Variants in TRAPPC9 observed in about 807,000 individuals in gnomAD.
The protein encoded by TRAPPC9 is IKK2 binding protein.
A neutral mutation model predicts 124.0 loss-of-function variants in TRAPPC9; 83 were observed. The ratio of observed to expected loss-of-function variants is 0.67; its 90% CI spans 0.56 to 0.80. The LOEUF (loss-of-function observed/expected upper bound fraction) is 0.80. Among genes scored for constraint, TRAPPC9 ranks in the 30% least tolerant of loss-of-function variants. The pLI, the probability that TRAPPC9 is intolerant of heterozygous loss-of-function variation, is 0.00. For synonymous variants in TRAPPC9, 638 were observed against 617.5 expected (o/e 1.03, Z -0.49); for missense variants, 1,302 against 1,508.3 (o/e 0.86, Z 2.27).
At chr8:139,884,846 T>C (rs1829898065) in intron 21 of TRAPPC9, among the ~76,000 whole-genome samples, 1 of 152,172 alleles carries the variant, frequency 6.6e-6, no homozygotes, top group Admixed American at 6.5e-5. Context: ...ATAGCCGCCA[T>C]GACGGTGCCC....
intron 17 of TRAPPC9, among the ~76,000 whole-genome samples, chr8:140,168,362 AT>A (rs1294599017): frequency 5.3e-5 from 4 of 75,014 alleles, no homozygotes; most frequent in African/African-American, 1.5e-4. Flanking sequence ...GTTCTAAAAC[AT>A]TTTTTTAACC....
chr8:140,112,436 G>A (rs1441013563), intron 17 of TRAPPC9, among the ~76,000 whole-genome samples: 1 of 151,790 alleles, frequency 6.6e-6, no homozygotes. Context: ...TGGGACAGGT[G>A]CGAGGAGAGT....
At position 139,731,079 on chromosome 8, in the gene TRAPPC9, G is replaced by A. The variant is rs777700700; in HGVS notation, c.3429C>T (p.Ala1143=). The change falls in exon 23 of 23, where the codon GCC becomes GCT. Residue 1143 remains alanine, a synonymous_variant. Transcript: ENST00000438773. ...GGCGGGCTCAGGCCTGCGCCTCCAG[G>A]GCACACACGTGCACACTGGGCAGGC... ...WFCLPSVHVC[A]LEAQA 3.7e-6 allele frequency: 6 copies of A among 1,613,106 alleles called. No homozygotes were observed.
chr8:139,972,176 C>T (rs1052803247), intron 19 of TRAPPC9, among the ~76,000 whole-genome samples: 3 of 151,996 alleles, frequency 2.0e-5, no homozygotes, highest in African/African-American at 7.3e-5. Context: ...CTGATACCAC[C>T]CCACACCCAT....
At chr8:140,426,504 T>C in intron 5 of TRAPPC9, 111 bp downstream of exon 5, 1 of 1,127,016 alleles carries the variant, frequency 8.9e-7, no homozygotes. Flanking sequence ...GTTACTTAAA[T>C]CAGAATGTTC....
At chr8:140,337,261 G>A (rs1161902301) in intron 9 of TRAPPC9, among the ~76,000 whole-genome samples, 1 of 152,090 alleles carries the variant, frequency 6.6e-6, no homozygotes, top group East Asian at 1.9e-4. Flanking sequence ...ACACATGAAG[G>A]CACATGTTAC....
chr8:139,974,872 G>T lies in TRAPPC9; in HGVS notation c.2810+13854C>A, dbSNP rs112373074. 8.8e-3 allele frequency among the ~76,000 whole-genome samples: 1,337 copies of T among 152,036 alleles called. 19 individuals are homozygous for T. Among genetic ancestry groups the T allele is most frequent in the African/African-American group, 0.031 (1,277 of 41,484 alleles). ...AGCCTCCGGCTGCCTCTCCCTCTCC[G>T]CCTTGTTCCCCAGGGGCTGTAGCTC... On this transcript the variant is annotated intron_variant, in intron 19 of 22. Coordinates refer to ENST00000438773, the MANE Select transcript of TRAPPC9 (RefSeq NM_001160372.4).
In TRAPPC9 at chr8:139,731,206, GCCGACT is replaced by G; in HGVS notation, c.3296_3301del (p.Gln1099_Ala1101delinsPro). On this transcript the variant is annotated inframe_deletion, in exon 23 of 23. Transcript: ENST00000438773. Reference sequence around the variant, plus strand: ...GAGGAAGAGGAGGGCCCCGAGGCAGGCCGACTGGCCGGACGGCTGCACCTGAGCAGG... The same window carrying G: ...GAGGAAGAGGAGGGCCCCGAGGCAGGGGCCGGACGGCTGCACCTGAGCAGG... The G allele has an allele frequency of 6.2e-7, 1 of 1,613,506 alleles. No homozygotes were observed. The highest frequency in any genetic ancestry group is 8.5e-7 in the Non-Finnish European group (1 of 1,179,904).
intron 17 of TRAPPC9, among the ~76,000 whole-genome samples, chr8:140,036,135 G>C (rs1193019984): frequency 6.6e-6 from 1 of 152,124 alleles, no homozygotes; most frequent in Non-Finnish European, 1.5e-5. Context: ...GGCACACCAG[G>C]CTCAGAGGGG....
intron 17 of TRAPPC9, among the ~76,000 whole-genome samples, chr8:140,210,096 T>C (rs1362658340): frequency 6.6e-6 from 1 of 152,250 alleles, no homozygotes; most frequent in Non-Finnish European, 1.5e-5. Context: ...CCCGAGCCTC[T>C]GTCTCGCTCT....
chr8:139,800,859 C>A (rs1823457378), intron 21 of TRAPPC9, among the ~76,000 whole-genome samples: 1 of 150,566 alleles, frequency 6.6e-6, no homozygotes, highest in African/African-American at 2.5e-5. Flanking sequence ...CCTTCCCTCC[C>A]TCCGGTATCT....
At chr8:139,840,351 T>C (rs1826644371) in intron 21 of TRAPPC9, among the ~76,000 whole-genome samples, 1 of 152,244 alleles carries the variant, frequency 6.6e-6, no homozygotes, top group Non-Finnish European at 1.5e-5. Flanking sequence ...TCCAGTAGAA[T>C]TGATTCTAAT....
At chr8:140,152,385 G>A (rs2061558693) in intron 17 of TRAPPC9, among the ~76,000 whole-genome samples, 1 of 130,600 alleles carries the variant, frequency 7.7e-6, no homozygotes. Context: ...TTTTGAGATG[G>A]AGTCCTGCTC....
At chr8:140,026,217 T>G (rs1840140411) in intron 17 of TRAPPC9, among the ~76,000 whole-genome samples, 2 of 152,198 alleles carry the variant, frequency 1.3e-5, no homozygotes, top group African/African-American at 4.8e-5. Context: ...ATTACATGTA[T>G]GTACTGTGTC....
Position 140,300,349 on chromosome 8 carries a change from C to T in TRAPPC9, c.1768+120G>A, listed in dbSNP as rs536927966. On this transcript the variant is annotated intron_variant, in intron 11 of 22. Coordinates refer to ENST00000438773, the MANE Select transcript of TRAPPC9 (RefSeq NM_001160372.4). ...CACACATATGCATGCGTGCACACAT[C>T]CACGCACGCACACACATGCACATGC... The T allele has an allele frequency of 1.2e-5, 15 of 1,253,966 alleles. No homozygotes were observed. In the South Asian group the frequency reaches 1.7e-4, roughly 14 times the overall value. The allele number at this position is 1,253,966 out of a possible 1,614,324, so 77.7% of individuals were successfully genotyped here.
intron 17 of TRAPPC9, among the ~76,000 whole-genome samples, chr8:140,177,153 G>T (rs796805675): frequency 6.6e-6 from 1 of 152,042 alleles, no homozygotes; most frequent in South Asian, 2.1e-4. Context: ...TTTTGATGAC[G>T]TCTAATTTAC....
chr8:140,153,435 C>A (rs1271628466), intron 17 of TRAPPC9, among the ~76,000 whole-genome samples: 2 of 152,138 alleles, frequency 1.3e-5, no homozygotes, highest in South Asian at 2.1e-4. Flanking sequence ...TCCCTAAATG[C>A]AATGTAGGTA....
chr8:140,000,867 C>A (rs934994489), intron 18 of TRAPPC9, among the ~76,000 whole-genome samples: 5 of 152,114 alleles, frequency 3.3e-5, no homozygotes, highest in African/African-American at 1.2e-4. Context: ...TTTGAACCAG[C>A]GATCCCATTA....
In TRAPPC9 at chr8:139,729,831, G is replaced by A. The variant is rs115834868; in HGVS notation, c.*1230C>T. Among the ~76,000 whole-genome samples, 1,284 of 152,224 alleles carry A rather than the reference G, an allele frequency of 8.4e-3. 14 individuals carry two copies. The highest frequency in any genetic ancestry group is 0.029 in the African/African-American group (1,191 of 41,550). On this transcript the variant is annotated 3_prime_UTR_variant, in exon 23 of 23. Transcript: ENST00000438773. ...GGCCAACTGGCCTTTAGGAAGCCCC[G>A]CTCTCTGTCCCCCAATACTCCATGG...
Sources: allele counts gnomAD v4.1 joint callset (sites outside exome capture counted in the v4.1 genomes callset), GRCh38; gene constraint gnomAD v4.1.1; transcripts MANE v1.5; gene names NCBI Gene and HGNC (gene_info 2026-07-23, HGNC 2026-07-21).